The following NSMCE2 variants were observed in gnomAD, a reference collection of about 807,000 sequenced individuals.
NSMCE2 encodes E3 SUMO-protein ligase NSE2.
Under a neutral mutation model 23.8 loss-of-function variants are expected in NSMCE2, and 24 were observed. The observed-to-expected ratio is 1.01, with a 90% CI of 0.73 to 1.42. The LOEUF (loss-of-function observed/expected upper bound fraction) is 1.42, where lower values mean the gene tolerates loss of function less well. Among genes scored for constraint, NSMCE2 ranks in the 40% most tolerant of loss-of-function variants. NSMCE2 has a pLI of 0.00. For synonymous variants in NSMCE2, 92 were observed against 94.1 expected (o/e 0.98, Z 0.13); for missense variants, 284 against 296.5 (o/e 0.96, Z 0.31).
chr8:125,120,951 A>G (rs1051227328), intron 3 of NSMCE2, among the ~76,000 whole-genome samples: 9 of 152,244 alleles, frequency 5.9e-5, no homozygotes, highest in South Asian at 4.1e-4. Context: ...TCTTCATTCT[A>G]CTGCACATCT....
Position 125,102,121 on chromosome 8 carries a change from G to A in NSMCE2, c.-40G>A. 1 of 500,076 alleles carries A rather than the reference G, an allele frequency of 2.0e-6. No individual in the cohort carries two copies. The highest frequency in any genetic ancestry group is 3.6e-6 in the Non-Finnish European group (1 of 277,470). 31.0% of individuals were successfully genotyped at this position (500,076 alleles called of 1,614,324 possible). On this transcript the variant is annotated 5_prime_UTR_variant, in exon 2 of 8. Transcript: ENST00000287437. ...AGGACACTTACCTTCCCCATATATT[G>A]AGTCCAGCTGTGTTTGGTGGCCCAG...
intron 5 of NSMCE2, among the ~76,000 whole-genome samples, chr8:125,355,383 C>T (rs1362704844): frequency 1.3e-5 from 2 of 152,174 alleles, no homozygotes; most frequent in Non-Finnish European, 2.9e-5. Flanking sequence ...GAAAGGACTA[C>T]ACCATCAACA....
intron 5 of NSMCE2, among the ~76,000 whole-genome samples, chr8:125,257,031 C>T (rs28481333): frequency 0.026 from 3,782 of 147,892 alleles, 145 homozygotes; most frequent in African/African-American, 0.088. Flanking sequence ...GGCCTGTAAT[C>T]GCAGCGCTTT....
At chr8:125,292,504 A>C (rs1828149735) in intron 5 of NSMCE2, among the ~76,000 whole-genome samples, 1 of 152,094 alleles carries the variant, frequency 6.6e-6, no homozygotes, top group Non-Finnish European at 1.5e-5. Flanking sequence ...CAGTGAGCTG[A>C]GATCACGCCA....
intron 5 of NSMCE2, among the ~76,000 whole-genome samples, chr8:125,350,557 A>G (rs540753650): frequency 6.6e-6 from 1 of 152,364 alleles, no homozygotes; most frequent in African/African-American, 2.4e-5. Context: ...TAATGGACTT[A>G]ACGTTCCACA....
At chr8:125,259,323 G>T (rs958578422) in intron 5 of NSMCE2, among the ~76,000 whole-genome samples, 1 of 152,122 alleles carries the variant, frequency 6.6e-6, no homozygotes, top group Non-Finnish European at 1.5e-5. Context: ...GAACTGGGCC[G>T]CACAGCAGGA....
At chr8:125,133,577 T>TA (rs1458137060) in intron 3 of NSMCE2, among the ~76,000 whole-genome samples, 1 of 151,840 alleles carries the variant, frequency 6.6e-6, no homozygotes, top group Non-Finnish European at 1.5e-5. Flanking sequence ...CCATCTCTAC[T>TA]AAAAATACAC....
intron 5 of NSMCE2, among the ~76,000 whole-genome samples, chr8:125,292,249 A>AAAG (rs1040365642): frequency 1.3e-5 from 2 of 151,954 alleles, no homozygotes; most frequent in Non-Finnish European, 2.9e-5. Flanking sequence ...GAAGAAGAAA[A>AAAG]AAGAAGAAGA....
chr8:125,347,082 A>G (rs1331861308), intron 5 of NSMCE2, among the ~76,000 whole-genome samples: 1 of 152,212 alleles, frequency 6.6e-6, no homozygotes, highest in African/African-American at 2.4e-5. Context: ...ACAGCTTGCT[A>G]TTTGCCAGGA....
chr8:125,144,033 C>T (rs1292193140), intron 3 of NSMCE2, among the ~76,000 whole-genome samples: 7 of 152,024 alleles, frequency 4.6e-5, no homozygotes, highest in Non-Finnish European at 7.4e-5. Flanking sequence ...TGTGTGTGGA[C>T]GTGATAGGGA....
At chr8:125,300,282 C>G (rs771401794) in intron 5 of NSMCE2, among the ~76,000 whole-genome samples, 2 of 151,708 alleles carry the variant, frequency 1.3e-5, no homozygotes, top group Non-Finnish European at 2.9e-5. Flanking sequence ...GATTCTCACA[C>G]CTCCACCTCA....
rs556273252 is a variant in NSMCE2, at chr8:125,209,241, A to G, written c.418+26985A>G. The stretch of plus-strand genomic sequence containing the variant: ...TGTAGCCATGTATTGATTGAAAAAA[A>G]ATAGAAACAAATAATGTGTATCTCT... On this transcript the variant is annotated intron_variant, in intron 5 of 7. Coordinates refer to ENST00000287437, the MANE Select transcript of NSMCE2 (RefSeq NM_173685.4). Among the ~76,000 whole-genome samples the G allele has an allele frequency of 1.7e-4, 26 of 152,374 alleles. No individual in the cohort carries two copies. In the South Asian group the frequency reaches 2.3e-3, roughly 13 times the overall value.
intron 5 of NSMCE2, among the ~76,000 whole-genome samples, chr8:125,234,249 C>G (rs1825449674): frequency 6.6e-6 from 1 of 152,008 alleles, no homozygotes; most frequent in African/African-American, 2.4e-5. Flanking sequence ...GCTATAAGTT[C>G]TGATTTTTGT....
At chr8:125,139,461 T>C (rs1318461555) in intron 3 of NSMCE2, among the ~76,000 whole-genome samples, 1 of 152,162 alleles carries the variant, frequency 6.6e-6, no homozygotes, top group Non-Finnish European at 1.5e-5. Flanking sequence ...TGGTAATTTA[T>C]AAAGGAAAGA....
At chr8:125,333,435 T>C (rs1168092051) in intron 5 of NSMCE2, among the ~76,000 whole-genome samples, 2 of 150,008 alleles carry the variant, frequency 1.3e-5, no homozygotes. Flanking sequence ...GCCTCCAGAG[T>C]CACTGAGATT....
At chr8:125,247,496 C>T (rs575625597) in intron 5 of NSMCE2, among the ~76,000 whole-genome samples, 3 of 151,950 alleles carry the variant, frequency 2.0e-5, no homozygotes, top group South Asian at 2.1e-4. Context: ...AGCCCAAGGC[C>T]GGTGGATTAC....
At chr8:125,337,788 A>G (rs979758184) in intron 5 of NSMCE2, among the ~76,000 whole-genome samples, 1 of 150,772 alleles carries the variant, frequency 6.6e-6, no homozygotes, top group African/African-American at 2.4e-5. Context: ...CCAACTACTC[A>G]GGAGGCTGAG....
At chr8:125,119,071 C>T (rs1819151287) in intron 3 of NSMCE2, among the ~76,000 whole-genome samples, 1 of 152,126 alleles carries the variant, frequency 6.6e-6, no homozygotes, top group Admixed American at 6.5e-5. Context: ...AATGTGCTTT[C>T]CTATTGGCTT....
intron 5 of NSMCE2, among the ~76,000 whole-genome samples, chr8:125,189,312 T>G (rs1004211438): frequency 4.6e-5 from 7 of 152,222 alleles, no homozygotes; most frequent in African/African-American, 1.2e-4. Context: ...CCTGCATCCA[T>G]TGGCTGGAGC....
Sources: allele counts gnomAD v4.1 joint callset (sites outside exome capture counted in the v4.1 genomes callset), GRCh38; gene constraint gnomAD v4.1.1; transcripts MANE v1.5; gene names NCBI Gene and HGNC (gene_info 2026-07-23, HGNC 2026-07-21).